Variants in XG observed in about 807,000 individuals in gnomAD.
XG encodes glycoprotein Xg.
In XG, 24 loss-of-function variants were observed where a neutral mutation model predicts 25.7. The observed-to-expected ratio is 0.93, with a 90% confidence interval of 0.68 to 1.31. The LOEUF is 1.31. XG is among the 40% of genes most tolerant of loss of function. XG has a pLI of 0.00. For missense variants in XG, 181 were observed against 187.6 expected (o/e 0.96, Z 0.21); for synonymous variants, 77 against 69.2 (o/e 1.11, Z -0.56).
intron 10 of XG, among the ~76,000 whole-genome samples, chrX:2,813,933 GT>G (rs1417861533): frequency 8.9e-6 from 1 of 112,309 alleles, no homozygotes; most frequent in African/African-American, 3.2e-5. Flanking sequence ...GATTTTAACA[GT>G]TTTTAAATAT....
At chrX:2,772,309 A>T (rs1259663945) in intron 2 of XG, among the ~76,000 whole-genome samples, 1 of 152,214 alleles carries the variant, frequency 6.6e-6, no homozygotes, top group African/African-American at 2.4e-5. Context: ...AAAGGTGGAA[A>T]CAACCCAACT....
chrX:2,777,195 T>A (rs1227022907), intron 3 of XG, among the ~76,000 whole-genome samples: 1 of 152,030 alleles, frequency 6.6e-6, no homozygotes, highest in Non-Finnish European at 1.5e-5. Flanking sequence ...TTTAAAAAAA[T>A]AATAATAACT....
At chrX:2,798,869 C>CTT (rs2086909890) in intron 7 of XG, among the ~76,000 whole-genome samples, 1 of 100,923 alleles carries the variant, frequency 9.9e-6, no homozygotes, top group Non-Finnish European at 1.9e-5. Context: ...GTGGGAAGTA[C>CTT]TTTTTTTTCT....
Position 2,752,181 on chromosome X carries a change from G to T in XG, c.-94G>T, listed in dbSNP as rs2050343414. ...CGCCTCCCTTCCTTCCAAGCTGGGA[G>T]ACCAGAAGTCAACAACAGGAGGGTG... On this transcript the variant is annotated 5_prime_UTR_variant, in exon 1 of 11. Coordinates refer to ENST00000644266, the MANE Select transcript of XG (RefSeq NM_001141919.2). 1.3e-6 allele frequency: 2 copies of T among 1,587,844 alleles called. No individual in the cohort carries two copies. Among genetic ancestry groups the T allele is most frequent in the Non-Finnish European group, 1.7e-6 (2 of 1,164,432 alleles).
intron 5 of XG, among the ~76,000 whole-genome samples, chrX:2,790,949 A>G (rs1395669629): frequency 1.1e-5 from 1 of 91,355 alleles, no homozygotes; most frequent in Non-Finnish European, 2.2e-5. Flanking sequence ...CCTGGGGATT[A>G]CATTTAGTTG....
In XG at chrX:2,775,261, G is replaced by A. The variant is rs765251037; in HGVS notation, c.127+522G>A. On this transcript the variant is annotated intron_variant, in intron 3 of 10. Coordinates refer to ENST00000644266, the MANE Select transcript of XG (RefSeq NM_001141919.2). ...AGTGGAAGGAATGGATAAACAAAAT[G>A]TGGTCCATTCACACAATGGAATATT... Among the ~76,000 whole-genome samples the A allele has an allele frequency of 3.3e-5, 5 of 152,308 alleles. No individual in the cohort carries two copies. The East Asian group carries it at 9.6e-4, about 29-fold the overall frequency.
intron 1 of XG, among the ~76,000 whole-genome samples, chrX:2,755,073 T>C (rs1049728317): frequency 2.6e-5 from 4 of 152,104 alleles, no homozygotes; most frequent in Non-Finnish European, 4.4e-5. Context: ...ATCCCAAGCC[T>C]TGTCTTCTGA....
At chrX:2,772,243 G>C (rs1383804133) in intron 2 of XG, among the ~76,000 whole-genome samples, 1 of 152,108 alleles carries the variant, frequency 6.6e-6, no homozygotes, top group African/African-American at 2.4e-5. Flanking sequence ...TGGGAGCAGG[G>C]ACTCAAACAG....
In XG at chrX:2,811,499, TA is replaced by T. The variant is rs11439714; in HGVS notation, c.571+58del. 2.0e-3 allele frequency: 1,314 copies of T among 659,145 alleles called. 6 individuals carry two copies. The African/African-American group carries it at 0.021, about 11-fold the overall frequency. 54.3% of individuals were successfully genotyped at this position (659,145 alleles called of 1,213,427 possible). On this transcript the variant is annotated intron_variant, in intron 10 of 10. Coordinates refer to ENST00000644266, the MANE Select transcript of XG (RefSeq NM_001141919.2). The stretch of plus-strand genomic sequence containing the variant: ...GTTTTGCTTGTTACTAAGCCTGATT[TA>T]AAAAAAAAAATTACTTTCAGATGTC...
intron 7 of XG, among the ~76,000 whole-genome samples, chrX:2,799,710 C>T (rs1307757978): frequency 2.7e-5 from 3 of 110,993 alleles, no homozygotes; most frequent in Non-Finnish European, 5.7e-5. Flanking sequence ...ATGGGGGAGA[C>T]GTGTAGCTTT....
intron 3 of XG, among the ~76,000 whole-genome samples, chrX:2,779,388 A>AAATAAT (rs745575099): frequency 2.0e-5 from 3 of 151,260 alleles, no homozygotes; most frequent in South Asian, 2.1e-4. Context: ...GTCTACATTT[A>AAATAAT]AATAATAATA....
At chrX:2,766,503 T>TG (rs36165554) in intron 1 of XG, among the ~76,000 whole-genome samples, 3 of 148,282 alleles carry the variant, frequency 2.0e-5, no homozygotes, top group Admixed American at 6.8e-5. Flanking sequence ...TTCTCTGGGA[T>TG]GGGGGGTCTT....
intron 5 of XG, among the ~76,000 whole-genome samples, chrX:2,790,466 C>A (rs2086826148): frequency 9.9e-6 from 1 of 101,172 alleles, no homozygotes; most frequent in Non-Finnish European, 2.0e-5. Context: ...CGCCACAGCA[C>A]TCCAGCCTGG....
In XG at chrX:2,816,279, C is replaced by T. The variant is rs2087103849; in HGVS notation, c.*1899C>T. ...ACAGATGAGAAAAGCCTTGATAAAA[C>T]GTCATCTCCATGTAATTTAGAGAAG... On this transcript the variant is annotated 3_prime_UTR_variant, in exon 11 of 11. Transcript: ENST00000644266. The T allele has an allele frequency of 8.9e-6, 1 of 111,911 alleles. No homozygotes were observed. The highest frequency in any genetic ancestry group is 3.2e-5 in the African/African-American group (1 of 30,795). 9.2% of individuals were successfully genotyped at this position (111,911 alleles called of 1,213,427 possible). A position where few individuals can be genotyped will look rare whatever the true frequency, so the allele number is the denominator to read the frequency against.
chrX:2,762,315 C>G (rs1256243712), intron 1 of XG, among the ~76,000 whole-genome samples: 20 of 152,156 alleles, frequency 1.3e-4, no homozygotes, highest in African/African-American at 4.1e-4. Flanking sequence ...TCTAATAGAG[C>G]TTCAATCTGC....
chrX:2,778,517 G>C (rs1442267162), intron 3 of XG, among the ~76,000 whole-genome samples: 1 of 152,058 alleles, frequency 6.6e-6, no homozygotes, highest in Non-Finnish European at 1.5e-5. Context: ...ACTCCAGCCT[G>C]CGTGACAGAG....
At position 2,770,726 on chromosome X, in the gene XG, A is replaced by G. The variant is rs1183187138; in HGVS notation, c.103+135A>G. ...TCTTGAGATCTCTGTTCTTTGCAGGAGATTGCAGACACCTTGAGACAAACC... is the reference window on the plus strand; with the variant it reads ...TCTTGAGATCTCTGTTCTTTGCAGGGGATTGCAGACACCTTGAGACAAACC... On this transcript the variant is annotated intron_variant, in intron 2 of 10. Coordinates refer to ENST00000644266, the MANE Select transcript of XG (RefSeq NM_001141919.2). 2.9e-6 allele frequency: 3 copies of G among 1,033,482 alleles called. No homozygotes were observed. The African/African-American group carries it at 4.7e-5, about 16-fold the overall frequency. 64.0% of individuals were successfully genotyped at this position (1,033,482 alleles called of 1,614,324 possible).
intron 1 of XG, among the ~76,000 whole-genome samples, chrX:2,762,778 A>G (rs1056700408): frequency 9.2e-5 from 14 of 152,124 alleles, no homozygotes; most frequent in Non-Finnish European, 2.1e-4. Context: ...TCTGTGAATC[A>G]TGCCGTCCTG....
chrX:2,781,300 G>A (rs770409709), intron 3 of XG, among the ~76,000 whole-genome samples: 54 of 151,408 alleles, frequency 3.6e-4, no homozygotes, highest in South Asian at 1.9e-3. Context: ...AACTCCCCAG[G>A]CCTCCACAAA....
Sources: gnomAD v4.1 joint callset for allele counts (sites outside exome capture counted in the v4.1 genomes callset) on GRCh38, gnomAD v4.1.1 for gene constraint, MANE v1.5 for transcripts, NCBI Gene and HGNC (gene_info 2026-07-23, HGNC 2026-07-21) for gene names.